Variants in PRKACB observed in about 807,000 individuals in gnomAD.
The protein encoded by PRKACB is protein kinase cAMP-activated catalytic subunit beta.
Under a neutral mutation model 51.4 loss-of-function variants are expected in PRKACB, and 16 were observed. The ratio of observed to expected loss-of-function variants is 0.31; its 90% confidence interval spans 0.21 to 0.47. PRKACB has a LOEUF of 0.47. Ranked by LOEUF, PRKACB falls within the 20% of genes least tolerant of loss-of-function variation. PRKACB has a pLI of 1.00. For missense variants in PRKACB, 309 were observed against 464.5 expected, an observed-to-expected ratio of 0.67 and a Z score of 3.08; for synonymous variants, 147 against 154.4, an observed-to-expected ratio of 0.95 and a Z score of 0.35.
At position 84,111,380 on chromosome 1, in the gene PRKACB, CT is replaced by C. The variant is rs1382383951; in HGVS notation, c.46+33013del. Among the ~76,000 whole-genome samples, 3 of 151,990 alleles carry C rather than the reference CT, an allele frequency of 2.0e-5. No homozygotes were observed. In the East Asian group the frequency reaches 5.8e-4, roughly 29 times the overall value. ...TTTACTAAGATCTTACAAATTACTTCTTTTATTAGTTTGGAAAAAATATGGG... is the reference window on the plus strand; with the variant it reads ...TTTACTAAGATCTTACAAATTACTTCTTTATTAGTTTGGAAAAAATATGGG... On this transcript the variant is annotated intron_variant, in intron 1 of 8. Coordinates refer to the PRKACB transcript ENST00000370688.
At chr1:84,201,322 G>T (rs565541750) in intron 7 of PRKACB, among the ~76,000 whole-genome samples, 2 of 151,712 alleles carry the variant, frequency 1.3e-5, no homozygotes, top group Admixed American at 1.3e-4. Context: ...TAGCCATTTG[G>T]TATTTCTTTA....
At chr1:84,124,800 T>C (rs1209319285) in intron 1 of PRKACB, among the ~76,000 whole-genome samples, 2 of 152,190 alleles carry the variant, frequency 1.3e-5, no homozygotes, top group Admixed American at 6.5e-5. Context: ...GATTTAGTTA[T>C]GGGACTACCT....
intron 5 of PRKACB, among the ~76,000 whole-genome samples, chr1:84,190,387 C>T (rs951830014): frequency 3.3e-5 from 5 of 150,824 alleles, no homozygotes; most frequent in African/African-American, 1.2e-4. Context: ...ATTAATTATC[C>T]CTGGATTACT....
intron 8 of PRKACB, chr1:84,204,578 G>A: frequency 1.4e-6 from 2 of 1,475,016 alleles, no homozygotes; most frequent in South Asian, 1.4e-5. Context: ...CTCTCAAGAG[G>A]ACTAAAGGTC....
chr1:84,175,384 A>G (rs1281788600), intron 1 of PRKACB, among the ~76,000 whole-genome samples: 2 of 151,800 alleles, frequency 1.3e-5, no homozygotes, highest in Admixed American at 6.6e-5. Flanking sequence ...AATACAAAAT[A>G]TGAATGATAT....
At chr1:84,217,035 C>A (rs1672981754) in intron 9 of PRKACB, among the ~76,000 whole-genome samples, 1 of 152,148 alleles carries the variant, frequency 6.6e-6, no homozygotes, top group Non-Finnish European at 1.5e-5. Context: ...GTTAGGTAGA[C>A]ATTGATCTGA....
intron 1 of PRKACB, among the ~76,000 whole-genome samples, chr1:84,119,184 G>A (rs1268880887): frequency 1.3e-5 from 2 of 152,118 alleles, no homozygotes; most frequent in East Asian, 3.9e-4. Context: ...AGCTGGAGCT[G>A]GAAGTGACTG....
chr1:84,226,719 A>G (rs1171403634), intron 9 of PRKACB, among the ~76,000 whole-genome samples: 3 of 152,080 alleles, frequency 2.0e-5, no homozygotes, highest in Non-Finnish European at 4.4e-5. Context: ...GTTTTAGTAC[A>G]TATATTAGAA....
intron 1 of PRKACB, among the ~76,000 whole-genome samples, chr1:84,101,589 C>T (rs1649355029): frequency 6.6e-6 from 1 of 152,110 alleles, no homozygotes; most frequent in Non-Finnish European, 1.5e-5. Flanking sequence ...TCTCCCATTA[C>T]CACAGCCAAA....
upstream of PRKACB, chr1:84,144,153 T>C (rs1653715590): frequency 2.0e-6 from 2 of 987,306 alleles, no homozygotes; most frequent in Non-Finnish European, 2.7e-6. Flanking sequence ...GTTTTTAAAA[T>C]CCTCAACTCT....
chr1:84,176,309 T>G (rs1418158849), intron 1 of PRKACB, among the ~76,000 whole-genome samples: 1 of 151,836 alleles, frequency 6.6e-6, no homozygotes, highest in Non-Finnish European at 1.5e-5. Flanking sequence ...AACACTTTAT[T>G]TCAGTGGATA....
intron 1 of PRKACB, chr1:84,178,785 G>T (rs1462753714): frequency 2.6e-5 from 4 of 154,692 alleles, no homozygotes; most frequent in African/African-American, 9.7e-5. Context: ...GAATCAGTAG[G>T]TTAATGTTCT....
chr1:84,090,476 C>G (rs1280190579), intron 1 of PRKACB, among the ~76,000 whole-genome samples: 3 of 152,178 alleles, frequency 2.0e-5, no homozygotes, highest in Non-Finnish European at 4.4e-5. Context: ...CAGCTATGCA[C>G]TCTATATGAC....
At chr1:84,082,026 T>C (rs1431250716) in intron 1 of PRKACB, among the ~76,000 whole-genome samples, 2 of 152,236 alleles carry the variant, frequency 1.3e-5, no homozygotes, top group Non-Finnish European at 2.9e-5. Context: ...TTTTGAGGAC[T>C]AATACGTGCC....
chr1:84,104,935 C>A (rs1649615376), intron 1 of PRKACB, among the ~76,000 whole-genome samples: 1 of 152,098 alleles, frequency 6.6e-6, no homozygotes. Context: ...ATCTTTTTGA[C>A]TTAATTCTAG....
At chr1:84,091,781 A>C (rs1205757885) in intron 1 of PRKACB, among the ~76,000 whole-genome samples, 1 of 152,182 alleles carries the variant, frequency 6.6e-6, no homozygotes, top group African/African-American at 2.4e-5. Context: ...CTGGGATTAC[A>C]GGCGTAAGCC....
At chr1:84,139,300 A>G (rs889643714), upstream of PRKACB, among the ~76,000 whole-genome samples, 3 of 152,190 alleles carry the variant, frequency 2.0e-5, no homozygotes, top group Non-Finnish European at 4.4e-5. Context: ...TATAAAAAGA[A>G]AGTCTCCTAA....
intron 1 of PRKACB, among the ~76,000 whole-genome samples, chr1:84,119,608 A>G (rs990087810): frequency 1.3e-5 from 2 of 152,146 alleles, no homozygotes; most frequent in African/African-American, 4.8e-5. Context: ...ATATTCACTC[A>G]TATCATTTAG....
At chr1:84,180,648 A>G (rs1332120160) in intron 2 of PRKACB, among the ~76,000 whole-genome samples, 1 of 152,060 alleles carries the variant, frequency 6.6e-6, no homozygotes, top group Non-Finnish European at 1.5e-5. Flanking sequence ...AAAAGTTTTT[A>G]TTTCAAGTAT....
Sources: allele counts gnomAD v4.1 joint callset (sites outside exome capture counted in the v4.1 genomes callset), GRCh38; gene constraint gnomAD v4.1.1; transcripts MANE v1.5; gene names NCBI Gene and HGNC (gene_info 2026-07-23, HGNC 2026-07-21).